The following PCDHGB3 variants were observed in gnomAD, a reference collection of about 807,000 sequenced individuals.
The protein encoded by PCDHGB3 is protocadherin gamma-B3.
Under a neutral mutation model 59.2 loss-of-function variants are expected in PCDHGB3, and 40 were observed. That is an observed-to-expected ratio of 0.68 (90% CI 0.52 to 0.88). The LOEUF (loss-of-function observed/expected upper bound fraction) is 0.88. Among genes scored for constraint, PCDHGB3 ranks in the 40% least tolerant of loss-of-function variants. PCDHGB3 has a pLI of 0.00. For missense variants in PCDHGB3, 1,309 were observed against 1,187.9 expected, an observed-to-expected ratio of 1.10 and a Z score of -1.50; for synonymous variants, 581 against 503.6, an observed-to-expected ratio of 1.15 and a Z score of -2.06.
chr5:141,430,957 C>T (rs771551541), intron 1 of PCDHGB3: 42 of 1,611,532 alleles, frequency 2.6e-5, no homozygotes, highest in Middle Eastern at 3.3e-4. Context: ...GAGTCCGCAT[C>T]ATCCCCAGAG....
intron 1 of PCDHGB3, chr5:141,374,002 C>A (rs1770015960): frequency 1.5e-6 from 2 of 1,320,574 alleles, no homozygotes; most frequent in South Asian, 4.1e-5. Flanking sequence ...AGGACCTTCA[C>A]CGCTATTTCT....
Position 141,374,036 on chromosome 5 carries a change from T to A in PCDHGB3, c.2415+1227T>A, listed in dbSNP as rs1197277740. On this transcript the variant is annotated intron_variant, in intron 1 of 3. Coordinates refer to ENST00000576222, the MANE Select transcript of PCDHGB3 (RefSeq NM_018924.5). The stretch of plus-strand genomic sequence containing the variant: ...CTGAGAAGAGCAAAAGTGATGCAGA[T>A]CTGTTCTTCCTCTTCTTAATCCCAG... 3.5e-6 allele frequency: 5 copies of A among 1,445,796 alleles called. No individual in the cohort carries two copies. In the Admixed American group the frequency reaches 1.1e-4, roughly 32 times the overall value. 89.6% of individuals were successfully genotyped at this position (1,445,796 alleles called of 1,614,324 possible). A position where few individuals can be genotyped will look rare whatever the true frequency, so the allele number is the denominator to read the frequency against.
rs2149982904 is a variant in PCDHGB3 at position 141,371,336 on chromosome 5, C to T, written c.942C>T (p.Ser314=). The T allele has an allele frequency of 6.2e-7, 1 of 1,613,926 alleles. No individual in the cohort carries two copies. The highest frequency in any genetic ancestry group is 8.5e-7 in the Non-Finnish European group (1 of 1,179,856). The stretch of plus-strand genomic sequence containing the variant: ...AACTGGACTTTGAAGAGAGAGATAG[C>T]TACACAATTGGGGTGGAAGCAAAGG... The part of the protein sequence containing the change: ...IGELDFEERD[S]YTIGVEAKDG... Residue 314 remains serine (S), a synonymous_variant, in exon 1 of 4, where the codon AGC becomes AGT. Transcript: ENST00000576222.
intron 1 of PCDHGB3, chr5:141,421,906 G>C: frequency 6.2e-7 from 1 of 1,613,770 alleles, no homozygotes; most frequent in Non-Finnish European, 8.5e-7. Context: ...AAAGGGCGCA[G>C]TTCCCATTCG....
At chr5:141,376,493 C>A in intron 1 of PCDHGB3, 1 of 1,614,130 alleles carries the variant, frequency 6.2e-7, no homozygotes, top group South Asian at 1.1e-5. Flanking sequence ...GAAAGGAGAA[C>A]CCAGGCAACT....
intron 1 of PCDHGB3, among the ~76,000 whole-genome samples, chr5:141,458,336 GA>G (rs762646440): frequency 1.3e-5 from 2 of 152,118 alleles, no homozygotes; most frequent in Non-Finnish European, 2.9e-5. Context: ...TGGTTTTAAG[GA>G]GTGGAGAGTT....
chr5:141,485,344 C>G lies in PCDHGB3; in HGVS notation c.2416-9463C>G. On this transcript the variant is annotated intron_variant, in intron 1 of 3. Coordinates refer to ENST00000576222, the MANE Select transcript of PCDHGB3 (RefSeq NM_018924.5). This position sits in a 1 kb window ranked among gnomAD's most constrained non-coding sequence, Gnocchi z 5.7. ...CTCAAGATTTCCTGCTGGATACGGA[C>G]AGTCTGTCAGCTCGCAGGCTGCAGG... 6.2e-7 allele frequency: 1 copy of G among 1,614,116 alleles called. No individual in the cohort carries two copies. The highest frequency in any genetic ancestry group is 8.5e-7 in the Non-Finnish European group (1 of 1,180,004).
rs1206900205 is a variant in PCDHGB3, at chr5:141,371,872, C to T, written c.1478C>T (p.Ala493Val). Residue 493 changes from alanine (A) to valine (V), a missense_variant, in exon 1 of 4, where the codon GCC (alanine) becomes GTC (valine). Physicochemically the swap from Ala to Val is moderately conservative, Grantham distance 64 (BLOSUM62 0). Coordinates refer to ENST00000576222, the MANE Select transcript of PCDHGB3 (RefSeq NM_018924.5). ...PNGLVSYYIVASDLEPRELSS... is the reference protein window; with the variant it reads ...PNGLVSYYIVVSDLEPRELSS... ...GGCCTTGTCTCCTACTACATCGTGG[C>T]CAGTGACCTGGAGCCGCGGGAGCTG... 1.9e-6 allele frequency: 3 copies of T among 1,613,534 alleles called. No individual in the cohort carries two copies. The highest frequency in any genetic ancestry group is 2.2e-5 in the East Asian group (1 of 44,886).
intron 1 of PCDHGB3, chr5:141,418,991 G>A (rs1335937354): frequency 6.2e-7 from 1 of 1,613,836 alleles, no homozygotes. Context: ...AGACTCAGGG[G>A]AAAATGGGGA....
Position 141,490,983 on chromosome 5 carries a change from C to T in PCDHGB3, c.2416-3824C>T. ...ACTCAGCCCCCCAGCGTCTCCCTCG[C>T]TCTGCTCCTCCTGGCTCCTTGGTCA... On this transcript the variant is annotated intron_variant, in intron 1 of 3. Transcript: ENST00000576222. The surrounding 1 kb of genome is among the most constrained non-coding windows in gnomAD (Gnocchi z 5.4). 2 of 1,614,120 alleles carry T rather than the reference C, an allele frequency of 1.2e-6. No individual in the cohort carries two copies. Among genetic ancestry groups the T allele is most frequent in the South Asian group, 2.2e-5 (2 of 91,082 alleles).
chr5:141,423,816 T>C lies in PCDHGB3; in HGVS notation c.2415+51007T>C, dbSNP rs1205974775. ...TTAGAGCAATACATGTGAGTTTTACTTTGCCTTTCATGAGATTACGATAAT... is the reference window on the plus strand; with the variant it reads ...TTAGAGCAATACATGTGAGTTTTACCTTGCCTTTCATGAGATTACGATAAT... On this transcript the variant is annotated intron_variant, in intron 1 of 3. Transcript: ENST00000576222. 3 of 1,273,904 alleles carry C rather than the reference T, an allele frequency of 2.4e-6. No individual in the cohort carries two copies. The African/African-American group carries it at 4.7e-5, about 20-fold the overall frequency. 78.9% of individuals were successfully genotyped at this position (1,273,904 alleles called of 1,614,324 possible).
At chr5:141,416,657 A>C (rs1194195210) in intron 1 of PCDHGB3, 6 of 152,232 alleles carry the variant, frequency 3.9e-5, no homozygotes, top group Non-Finnish European at 7.3e-5. Context: ...TGTAAAAAAG[A>C]AAAGAATATA....
At chr5:141,419,464 C>T (rs199965876) in intron 1 of PCDHGB3, 35 of 1,612,542 alleles carry the variant, frequency 2.2e-5, no homozygotes, top group Middle Eastern at 1.7e-4. Context: ...TGCAGGCCCG[C>T]GACCAGGGCT....
intron 1 of PCDHGB3, among the ~76,000 whole-genome samples, chr5:141,435,308 A>G (rs2097757210): frequency 6.6e-6 from 1 of 152,186 alleles, no homozygotes; most frequent in African/African-American, 2.4e-5. Flanking sequence ...GTTTTAAATC[A>G]TTCATGAACT....
chr5:141,420,934 C>T, intron 1 of PCDHGB3: 1 of 377,936 alleles, frequency 2.6e-6, no homozygotes, highest in South Asian at 5.3e-5. Context: ...TGAGCGTAAT[C>T]ATTTCTTCTG....
intron 1 of PCDHGB3, chr5:141,384,201 G>A (rs369190060): frequency 3.7e-6 from 6 of 1,613,802 alleles, no homozygotes; most frequent in Admixed American, 1.7e-5. Flanking sequence ...CCTTGTCCAG[G>A]GAAACTCACA....
intron 1 of PCDHGB3, among the ~76,000 whole-genome samples, chr5:141,467,955 G>A (rs1049980375): frequency 2.0e-5 from 3 of 151,666 alleles, no homozygotes; most frequent in Non-Finnish European, 2.9e-5. Context: ...CACCACACCC[G>A]GCTGCCAGAA....
At position 141,387,650 on chromosome 5, in the gene PCDHGB3, G is replaced by C. The variant is rs116225244; in HGVS notation, c.2415+14841G>C. 2,320 of 639,876 alleles carry C rather than the reference G, an allele frequency of 3.6e-3. 38 individuals are homozygous for C. The highest frequency in any genetic ancestry group is 0.034 in the African/African-American group (1,854 of 54,556). 39.6% of individuals were successfully genotyped at this position (639,876 alleles called of 1,614,324 possible). A position where few individuals can be genotyped will look rare whatever the true frequency, so the allele number is the denominator to read the frequency against. Reference sequence around the variant, plus strand: ...CTGGGCGCCGCTGTTGGCCAAAGTGGAGAGCTTGGCGCTCCAGATCTCCTC... The same window carrying C: ...CTGGGCGCCGCTGTTGGCCAAAGTGCAGAGCTTGGCGCTCCAGATCTCCTC... On this transcript the variant is annotated intron_variant, in intron 1 of 3. Coordinates refer to ENST00000576222, the MANE Select transcript of PCDHGB3 (RefSeq NM_018924.5).
Position 141,487,631 on chromosome 5 carries a change from G to T in PCDHGB3, c.2416-7176G>T. Reference sequence around the variant, plus strand: ...TGGGCTAGAGGTGAGACCTTTGCAGGCTCAACAAATGCTTGAGGGTTATTC... The same window carrying T: ...TGGGCTAGAGGTGAGACCTTTGCAGTCTCAACAAATGCTTGAGGGTTATTC... On this transcript the variant is annotated intron_variant, in intron 1 of 3. Transcript: ENST00000576222. The surrounding 1 kb of genome is among the most constrained non-coding windows in gnomAD (Gnocchi z 5.0). The T allele has an allele frequency of 6.2e-7, 1 of 1,614,176 alleles. No individual in the cohort carries two copies. Among genetic ancestry groups the T allele is most frequent in the Non-Finnish European group, 8.5e-7 (1 of 1,180,032 alleles).
Sources: allele counts gnomAD v4.1 joint callset (sites outside exome capture counted in the v4.1 genomes callset), GRCh38; gene constraint gnomAD v4.1.1; non-coding constraint Gnocchi (gnomAD v3.1); transcripts MANE v1.5; gene names NCBI Gene and HGNC (gene_info 2026-07-23, HGNC 2026-07-21).